TRHDE: variants seen among roughly 807,000 people sequenced by gnomAD.
TRHDE encodes the protein thyrotropin-releasing hormone-degrading ectoenzyme.
Under a neutral mutation model 125.7 loss-of-function variants are expected in TRHDE, and 72 were observed. The ratio of observed to expected loss-of-function variants is 0.57; its 90% confidence interval spans 0.47 to 0.70. TRHDE has a LOEUF of 0.70. Among genes scored for constraint, TRHDE ranks in the 30% least tolerant of loss-of-function variants. The probability of loss-of-function intolerance (pLI) is 0.00; values close to 1 mark genes in which losing one functional copy is unlikely to be tolerated. For missense variants in TRHDE, 1,110 were observed against 1,327.1 expected (o/e 0.84, Z 2.54); for synonymous variants, 509 against 509.1 (o/e 1.00, Z 0.00).
At chr12:72,307,681 G>A (rs560457421) in intron 2 of TRHDE, among the ~76,000 whole-genome samples, 12 of 152,084 alleles carry the variant, frequency 7.9e-5, no homozygotes, top group South Asian at 4.1e-4. Flanking sequence ...AAGAGAACTC[G>A]AGAAATACTC....
chr12:72,163,840 G>A (rs896574024), intron 2 of TRHDE, among the ~76,000 whole-genome samples: 1 of 152,190 alleles, frequency 6.6e-6, no homozygotes, highest in Non-Finnish European at 1.5e-5. Context: ...GGCAGAGCGC[G>A]GTGGCTCATC....
intron 2 of TRHDE, among the ~76,000 whole-genome samples, chr12:72,368,245 T>C (rs1871421180): frequency 6.6e-6 from 1 of 152,142 alleles, no homozygotes; most frequent in African/African-American, 2.4e-5. Flanking sequence ...AGGTAGTTTA[T>C]GATGATAAAC....
intron 2 of TRHDE, among the ~76,000 whole-genome samples, chr12:72,150,090 C>T (rs1290152518): frequency 1.3e-5 from 2 of 152,114 alleles, no homozygotes; most frequent in African/African-American, 4.8e-5. Context: ...GTGAATAAGA[C>T]ATTGAAGACC....
chr12:72,579,303 T>G (rs1210696923), intron 12 of TRHDE, among the ~76,000 whole-genome samples: 1 of 152,112 alleles, frequency 6.6e-6, no homozygotes, highest in Non-Finnish European at 1.5e-5. Flanking sequence ...TTTTAAACTT[T>G]TGACAGTCTA....
rs114748855 is a variant in TRHDE, at chr12:72,657,901, T to C, written c.3066+893T>C. 3.3e-3 allele frequency among the ~76,000 whole-genome samples: 501 copies of C among 152,332 alleles called. 3 individuals carry two copies. Among genetic ancestry groups the C allele is most frequent in the African/African-American group, 0.011 (455 of 41,586 alleles). ...TATAGCTGATATTTGACATTGAGAA[T>C]GATGGTTTTCTCAGTTTTCACTGAC... is the stretch of plus-strand genomic sequence containing the variant. On this transcript the variant is annotated intron_variant, in intron 18 of 18. Transcript: ENST00000261180.
chr12:72,354,826 G>A (rs1439479765), intron 2 of TRHDE, among the ~76,000 whole-genome samples: 1 of 151,140 alleles, frequency 6.6e-6, no homozygotes, highest in Admixed American at 6.6e-5. Context: ...CAATTGTCTA[G>A]CTAGAAGTGC....
chr12:72,437,599 A>G (rs1485842013), intron 3 of TRHDE, among the ~76,000 whole-genome samples: 1 of 151,804 alleles, frequency 6.6e-6, no homozygotes, highest in African/African-American at 2.4e-5. Flanking sequence ...GAAATCTTCA[A>G]AGTATACAAG....
At chr12:72,389,758 A>G (rs1872555921) in intron 3 of TRHDE, among the ~76,000 whole-genome samples, 1 of 152,146 alleles carries the variant, frequency 6.6e-6, no homozygotes. Flanking sequence ...CAGCATGTGC[A>G]TTTTGGGGGA....
chr12:72,288,498 G>A (rs1047438125), intron 2 of TRHDE, among the ~76,000 whole-genome samples: 1 of 152,094 alleles, frequency 6.6e-6, no homozygotes, highest in Non-Finnish European at 1.5e-5. Context: ...CATTTGATAT[G>A]TTGAATTTCT....
chr12:72,260,277 T>C (rs1484548868), intron 2 of TRHDE, among the ~76,000 whole-genome samples: 1 of 152,192 alleles, frequency 6.6e-6, no homozygotes, highest in Non-Finnish European at 1.5e-5. Flanking sequence ...AGGAGAACCA[T>C]CATTTGGTTT....
Position 72,445,439 on chromosome 12 carries a change from C to G in TRHDE, c.1316-24319C>G, listed in dbSNP as rs138047507. Among the ~76,000 whole-genome samples the G allele has an allele frequency of 4.2e-3, 633 of 151,966 alleles. 6 individuals are homozygous for G. Among genetic ancestry groups the G allele is most frequent in the African/African-American group, 0.015 (615 of 41,502 alleles). On this transcript the variant is annotated intron_variant, in intron 3 of 18. Coordinates refer to ENST00000261180, the MANE Select transcript of TRHDE (RefSeq NM_013381.3). ...GCTTCTCAGGTTTTTCAGAGACACT[C>G]CCAACCTGTTTCAGCAACCTCTCTT...
intron 2 of TRHDE, among the ~76,000 whole-genome samples, chr12:72,312,004 G>C (rs1868566627): frequency 6.6e-6 from 1 of 152,142 alleles, no homozygotes. Context: ...TGGAAGCAAA[G>C]TGAACAAACA....
At chr12:72,181,994 T>C (rs1362313608) in intron 2 of TRHDE, among the ~76,000 whole-genome samples, 1 of 152,212 alleles carries the variant, frequency 6.6e-6, no homozygotes, top group East Asian at 1.9e-4. Context: ...CTTTTAAATG[T>C]GGAGTTTGGG....
chr12:72,175,729 G>A (rs1485767044), intron 2 of TRHDE, among the ~76,000 whole-genome samples: 1 of 152,168 alleles, frequency 6.6e-6, no homozygotes. Flanking sequence ...AAAGTATACT[G>A]CCAATGCAAA....
chr12:72,405,959 C>T (rs1254815372), intron 3 of TRHDE, among the ~76,000 whole-genome samples: 4 of 152,102 alleles, frequency 2.6e-5, no homozygotes, highest in Admixed American at 2.6e-4. Context: ...TCATTAACTC[C>T]CTCAATATTC....
At position 72,136,175 on chromosome 12, in the gene TRHDE, T is replaced by A. The variant is rs964123056; in HGVS notation, n.279+30423T>A. 5.3e-5 allele frequency among the ~76,000 whole-genome samples: 8 copies of A among 152,214 alleles called. No individual in the cohort carries two copies. In the East Asian group the frequency reaches 1.3e-3, roughly 26 times the overall value. On this transcript the variant is annotated intron_variant and non_coding_transcript_variant, in intron 2 of 4. Transcript: ENST00000548156. ...GCAGAATATAAGCAACTCTGTGCTA[T>A]GAGGCTATATGAACATCTGCAAAAT...
intron 12 of TRHDE, among the ~76,000 whole-genome samples, chr12:72,601,795 A>G (rs890356714): frequency 6.6e-6 from 1 of 152,170 alleles, no homozygotes; most frequent in Admixed American, 6.5e-5. Context: ...AGGTTATTGC[A>G]CACTAACTAG....
chr12:72,278,244 A>G (rs1226920234), intron 1 of TRHDE, among the ~76,000 whole-genome samples: 1 of 152,118 alleles, frequency 6.6e-6, no homozygotes, highest in African/African-American at 2.4e-5. Context: ...CTTCCAGTTC[A>G]TCCATGTTGT....
intron 2 of TRHDE, among the ~76,000 whole-genome samples, chr12:72,131,101 T>G (rs1287449754): frequency 6.9e-6 from 1 of 145,946 alleles, no homozygotes; most frequent in African/African-American, 2.6e-5. Context: ...AGACAGAGTC[T>G]TCCTCTGTCA....
Sources: allele counts gnomAD v4.1 joint callset (sites outside exome capture counted in the v4.1 genomes callset), GRCh38; gene constraint gnomAD v4.1.1; transcripts MANE v1.5; gene names NCBI Gene and HGNC (gene_info 2026-07-23, HGNC 2026-07-21).